The following KIAA1210 variants were observed in gnomAD, a reference collection of about 807,000 sequenced individuals.
KIAA1210 encodes acrosomal protein KIAA1210.
KIAA1210 carries 48 observed loss-of-function variants against 78.9 expected under a neutral mutation model. The observed-to-expected ratio is 0.61, with a 90% confidence interval of 0.48 to 0.77. The LOEUF (loss-of-function observed/expected upper bound fraction) is 0.77. Among genes scored for constraint, KIAA1210 ranks in the 30% least tolerant of loss-of-function variants. KIAA1210 has a pLI of 0.00. For missense variants in KIAA1210, 1,108 were observed against 1,100.0 expected (o/e 1.01, Z -0.10); for synonymous variants, 406 against 404.5 (o/e 1.00, Z -0.04).
At chrX:119,084,635 G>C (rs1043816976) in intron 10 of KIAA1210, among the ~76,000 whole-genome samples, 4 of 110,075 alleles carry the variant, frequency 3.6e-5, no homozygotes, top group Non-Finnish European at 7.6e-5. Context: ...GGTGGGAAGG[G>C]GATGAGGGAT....
Position 119,094,134 on chromosome X carries a change from C to T in KIAA1210, c.847-359G>A, listed in dbSNP as rs776697904. 8.8e-6 allele frequency: 8 copies of T among 913,810 alleles called. No individual in the cohort carries two copies. In the South Asian group the frequency reaches 1.5e-4, roughly 17 times the overall value. The allele number at this position is 913,810 out of a possible 1,213,427, so 75.3% of individuals were successfully genotyped here. On this transcript the variant is annotated intron_variant, in intron 7 of 11. Coordinates refer to ENST00000691062, the MANE Select transcript of KIAA1210 (RefSeq NM_001394962.1). Reference sequence around the variant, plus strand: ...TCATTGGGCCTGACAACAATCATGCCCTCGGCCATATTGGGATTCTCCGAT... The same window carrying T: ...TCATTGGGCCTGACAACAATCATGCTCTCGGCCATATTGGGATTCTCCGAT...
At position 119,127,735 on chromosome X, in the gene KIAA1210, T is replaced by C. The variant is rs767326692; in HGVS notation, c.-19A>G. Among the ~76,000 whole-genome samples the C allele has an allele frequency of 8.9e-6, 1 of 112,194 alleles. No individual in the cohort carries two copies. The highest frequency in any genetic ancestry group is 3.2e-5 in the African/African-American group (1 of 30,908). ...GAGTTATCTATACTTACTGCCTTTA[T>C]GTCCTCACTTTCTATTCTCGTGAGC... On this transcript the variant is annotated 5_prime_UTR_variant, in exon 1 of 12. Coordinates refer to ENST00000691062, the MANE Select transcript of KIAA1210 (RefSeq NM_001394962.1).
At chrX:119,085,082 A>C (rs1439540207) in intron 10 of KIAA1210, among the ~76,000 whole-genome samples, 1 of 111,985 alleles carries the variant, frequency 8.9e-6, no homozygotes, top group Non-Finnish European at 1.9e-5. Flanking sequence ...GAGTTTCAGC[A>C]TGTTGCCTAA....
Position 119,086,545 on chromosome X carries a change from C to T in KIAA1210, c.4156+1G>A, listed in dbSNP as rs200793607. 1.8e-5 allele frequency: 21 copies of T among 1,194,777 alleles called. No individual in the cohort carries two copies. The highest frequency in any genetic ancestry group is 1.9e-5 in the Non-Finnish European group (17 of 888,941). On this transcript the variant is annotated splice_donor_variant, in intron 9 of 11. Coordinates refer to ENST00000691062, the MANE Select transcript of KIAA1210 (RefSeq NM_001394962.1). LOFTEE classifies it high-confidence loss of function. ...GCCATCTGGAGAGATAAAAGCCTTA[C>T]CTGGGGTCTTGCAAGCAGGTTGCTT... is the stretch of plus-strand genomic sequence containing the variant.
intron 2 of KIAA1210, among the ~76,000 whole-genome samples, chrX:119,141,262 T>A (rs1452792452): frequency 8.9e-6 from 1 of 112,069 alleles, no homozygotes; most frequent in Non-Finnish European, 1.9e-5. Context: ...GTTCATAGGA[T>A]GGGCTAGTTA....
At chrX:119,122,701 TTC>T (rs1928505982) in intron 2 of KIAA1210, among the ~76,000 whole-genome samples, 1 of 111,796 alleles carries the variant, frequency 8.9e-6, no homozygotes, top group South Asian at 3.8e-4. Flanking sequence ...CCTAATCTCT[TTC>T]TCTCTTTTTC....
intron 2 of KIAA1210, among the ~76,000 whole-genome samples, chrX:119,117,218 G>C (rs1928298932): frequency 8.9e-6 from 1 of 112,473 alleles, no homozygotes; most frequent in Admixed American, 9.4e-5. Flanking sequence ...GAGTGCGGTT[G>C]GTTAGTGCAG....
intron 3 of KIAA1210, among the ~76,000 whole-genome samples, chrX:119,112,478 A>G (rs1181122226): frequency 8.9e-6 from 1 of 111,916 alleles, no homozygotes; most frequent in East Asian, 2.8e-4. Flanking sequence ...TAGAAAATAA[A>G]AAAAGATGTG....
chrX:119,136,120 C>T (rs912978990), intron 2 of KIAA1210, among the ~76,000 whole-genome samples: 1 of 111,558 alleles, frequency 9.0e-6, no homozygotes, highest in Non-Finnish European at 1.9e-5. Context: ...TTACATAGCT[C>T]ATTGGATTCT....
intron 1 of KIAA1210, among the ~76,000 whole-genome samples, chrX:119,125,813 C>T (rs1177254053): frequency 1.3e-5 from 1 of 77,434 alleles, no homozygotes; most frequent in African/African-American, 4.9e-5. Context: ...GATTCCCCTG[C>T]CTTGGCCTCC....
intron 3 of KIAA1210, among the ~76,000 whole-genome samples, chrX:119,110,221 TGAATG>T (rs1175135573): frequency 8.9e-6 from 1 of 112,256 alleles, no homozygotes. Flanking sequence ...TGAAAATCAG[TGAATG>T]CCAAACACTG....
upstream of KIAA1210, among the ~76,000 whole-genome samples, chrX:119,130,594 G>T (rs1484620107): frequency 8.9e-6 from 1 of 112,602 alleles, no homozygotes; most frequent in Non-Finnish European, 1.9e-5. Flanking sequence ...AGAGGGTCTT[G>T]CAGTGGCAAA....
At chrX:119,120,443 C>A (rs1045762845) in intron 2 of KIAA1210, among the ~76,000 whole-genome samples, 1 of 111,905 alleles carries the variant, frequency 8.9e-6, no homozygotes, top group Non-Finnish European at 1.9e-5. Context: ...CAGCTAATAG[C>A]CATTTGTGAC....
At chrX:119,145,200 A>G (rs1929138120) in intron 2 of KIAA1210, among the ~76,000 whole-genome samples, 1 of 110,709 alleles carries the variant, frequency 9.0e-6, no homozygotes, top group Admixed American at 9.6e-5. Context: ...TCAGACTTCT[A>G]CTTTGGGAAA....
rs186100804 is a variant in KIAA1210, at chrX:119,120,127, C to T, written c.61+3455G>A. Among the ~76,000 whole-genome samples, 4 of 111,663 alleles carry T rather than the reference C, an allele frequency of 3.6e-5. No homozygotes were observed. The East Asian group carries it at 1.1e-3, about 31-fold the overall frequency. On this transcript the variant is annotated intron_variant, in intron 2 of 11. Coordinates refer to ENST00000691062, the MANE Select transcript of KIAA1210 (RefSeq NM_001394962.1). Reference sequence around the variant, plus strand: ...GAAGCTGCAGTGAGCTATGACAATGCCACTGTACTCTCCCCTGGGCAAGGA... The same window carrying T: ...GAAGCTGCAGTGAGCTATGACAATGTCACTGTACTCTCCCCTGGGCAAGGA...
chrX:119,121,401 G>C (rs1416076537), intron 2 of KIAA1210, among the ~76,000 whole-genome samples: 1 of 111,832 alleles, frequency 8.9e-6, no homozygotes, highest in South Asian at 3.8e-4. Context: ...GTTGCAGTCA[G>C]TGAGCTGACA....
intron 6 of KIAA1210, among the ~76,000 whole-genome samples, chrX:119,102,211 A>T (rs1927755148): frequency 8.9e-6 from 1 of 112,502 alleles, no homozygotes; most frequent in Admixed American, 9.4e-5. Context: ...ATTTTTTTTG[A>T]TCTTTAATGA....
chrX:119,123,272 C>T (rs765614385), intron 2 of KIAA1210, among the ~76,000 whole-genome samples: 2 of 112,140 alleles, frequency 1.8e-5, no homozygotes, highest in African/African-American at 6.5e-5. Flanking sequence ...GAATTACTAT[C>T]TACAGCAAAA....
At chrX:119,150,469 A>G (rs778476026) in exon 1 of KIAA1210, 1 of 1,210,152 alleles carries the variant, frequency 8.3e-7, no homozygotes, top group East Asian at 3.0e-5. Context: ...CTCGACTTCC[A>G]ATCCTGGCCC....
Sources: allele counts gnomAD v4.1 joint callset (sites outside exome capture counted in the v4.1 genomes callset), GRCh38; gene constraint gnomAD v4.1.1; transcripts MANE v1.5; gene names NCBI Gene and HGNC (gene_info 2026-07-23, HGNC 2026-07-21).